The following ST3GAL5 variants were observed in gnomAD, a reference collection of about 807,000 sequenced individuals.
ST3GAL5 encodes ST3 beta-galactoside alpha-2,3-sialyltransferase 5.
ST3GAL5 carries 25 observed loss-of-function variants against 46.1 expected under a neutral mutation model. That is an observed-to-expected ratio of 0.54 (90% CI 0.40 to 0.76). ST3GAL5 has a LOEUF of 0.76. Among genes scored for constraint, ST3GAL5 ranks in the 30% least tolerant of loss-of-function variants. ST3GAL5 has a pLI of 0.00. For synonymous variants in ST3GAL5, 182 were observed against 192.7 expected, an observed-to-expected ratio of 0.94 and a Z score of 0.46; for missense variants, 431 against 521.2, an observed-to-expected ratio of 0.83 and a Z score of 1.69.
At chr2:85,866,531 G>A (rs187230936) in intron 1 of ST3GAL5, among the ~76,000 whole-genome samples, 166 of 152,374 alleles carry the variant, frequency 1.1e-3, no homozygotes, top group Non-Finnish European at 2.1e-3. Flanking sequence ...AAGAAGTACT[G>A]TTAGAAACCT....
At chr2:85,873,901 T>C (rs764363508) in intron 1 of ST3GAL5, among the ~76,000 whole-genome samples, 1 of 152,216 alleles carries the variant, frequency 6.6e-6, no homozygotes, top group Non-Finnish European at 1.5e-5. Context: ...TGACTGTGCA[T>C]GTTAACCAAG....
chr2:85,858,605 G>A (rs900834881), intron 3 of ST3GAL5, among the ~76,000 whole-genome samples: 2 of 152,066 alleles, frequency 1.3e-5, no homozygotes, highest in Non-Finnish European at 2.9e-5. Context: ...CATCACACCC[G>A]GTCAGACCCC....
At chr2:85,844,675 G>T in intron 5 of ST3GAL5, 121 bp from the exon 6 acceptor site, 1 of 1,338,668 alleles carries the variant, frequency 7.5e-7, no homozygotes, top group Non-Finnish European at 1.1e-6. Flanking sequence ...GCCTTCTGAA[G>T]CAATCTACTC....
Position 85,863,385 on chromosome 2 carries a change from G to A in ST3GAL5, c.183C>T (p.Ser61=), listed in dbSNP as rs2104079146. The change falls in exon 2 of 7, where the codon AGC becomes AGT. Residue 61 remains serine (S), a synonymous_variant. Transcript: ENST00000638572. ...ACTTGAGGATGTCTTTTAATAACAA[G>A]CTGGGCCTTCTCATCTTGCTTTGAG... is the stretch of plus-strand genomic sequence containing the variant. ...TRAQSKMRRP[S]LLLKDILKCT... 6 of 1,614,198 alleles carry A rather than the reference G, an allele frequency of 3.7e-6. No homozygotes were observed. Among genetic ancestry groups the A allele is most frequent in the Non-Finnish European group, 5.1e-6 (6 of 1,180,014 alleles).
intron 1 of ST3GAL5, 40 bp from the exon 2 acceptor site, chr2:85,863,525 GGA>G (rs1684952638): frequency 6.2e-7 from 1 of 1,610,398 alleles, no homozygotes. Context: ...GAAAAAGAGA[GGA>G]GAGAGTTAGG....
rs75218838 is a variant in ST3GAL5, at chr2:85,886,696, C to T, written c.82+2128G>A. Among the ~76,000 whole-genome samples the T allele has an allele frequency of 8.8e-3, 1,342 of 152,206 alleles. 14 individuals are homozygous for T. Among genetic ancestry groups the T allele is most frequent in the Non-Finnish European group, 0.012 (809 of 68,014 alleles). On this transcript the variant is annotated intron_variant, in intron 1 of 6. Coordinates refer to ENST00000638572, the MANE Select transcript of ST3GAL5 (RefSeq NM_003896.4). ...CACGTGTGCTTAAGCTGGCTGTCTCCCGGGCGAGCCTGCGTGTCACCGTCA... is the reference window on the plus strand; with the variant it reads ...CACGTGTGCTTAAGCTGGCTGTCTCTCGGGCGAGCCTGCGTGTCACCGTCA...
intron 1 of ST3GAL5, among the ~76,000 whole-genome samples, chr2:85,867,432 A>G (rs899629251): frequency 1.1e-4 from 17 of 151,694 alleles, no homozygotes; most frequent in Non-Finnish European, 1.5e-5. Context: ...AAATATAAGA[A>G]AAAGGCAGTT....
At chr2:85,867,935 G>C (rs1685460322) in intron 1 of ST3GAL5, 3 of 398,288 alleles carry the variant, frequency 7.5e-6, no homozygotes, top group Non-Finnish European at 1.4e-5. Context: ...CACAGTATAA[G>C]AGTTTGACTT....
intron 6 of ST3GAL5, among the ~76,000 whole-genome samples, chr2:85,843,842 G>A (rs1471246765): frequency 6.6e-6 from 1 of 152,092 alleles, no homozygotes; most frequent in African/African-American, 2.4e-5. Context: ...AATCGTCCAC[G>A]GAATTTAGAA....
Position 85,846,368 on chromosome 2 carries a change from A to G in ST3GAL5, c.849+9T>C. 1.2e-6 allele frequency: 2 copies of G among 1,612,928 alleles called. No individual in the cohort carries two copies. The highest frequency in any genetic ancestry group is 1.7e-6 in the Non-Finnish European group (2 of 1,179,202). On this transcript the variant is annotated intron_variant, in intron 5 of 6. Coordinates refer to ENST00000638572, the MANE Select transcript of ST3GAL5 (RefSeq NM_003896.4). ...CTAAGGCAGATTTAATAGAAGTATT[A>G]GTGCTTACCAGGGTTTCCTTTTTTA...
intron 1 of ST3GAL5, among the ~76,000 whole-genome samples, chr2:85,880,013 G>A (rs1019946526): frequency 6.6e-6 from 1 of 152,194 alleles, no homozygotes; most frequent in Non-Finnish European, 1.5e-5. Context: ...CCAGGTGGAT[G>A]GGAAGGGAAG....
intron 1 of ST3GAL5, among the ~76,000 whole-genome samples, chr2:85,880,272 G>A (rs1327772725): frequency 1.3e-5 from 2 of 152,144 alleles, no homozygotes; most frequent in African/African-American, 4.8e-5. Flanking sequence ...TGTTTGGGCT[G>A]CTTAAAACTC....
intron 1 of ST3GAL5, among the ~76,000 whole-genome samples, chr2:85,872,666 G>T (rs1453027523): frequency 6.6e-6 from 1 of 151,960 alleles, no homozygotes; most frequent in Non-Finnish European, 1.5e-5. Context: ...TCTGACTGAA[G>T]TAGGCCCCAA....
At chr2:85,888,637 G>T in intron 1 of ST3GAL5, 187 bp downstream of exon 1, 1 of 340,750 alleles carries the variant, frequency 2.9e-6, no homozygotes, top group Non-Finnish European at 4.9e-6. Flanking sequence ...CGGTCCACAC[G>T]GCCCGGGACC....
At chr2:85,884,777 G>A (rs1441105133) in intron 1 of ST3GAL5, among the ~76,000 whole-genome samples, 4 of 152,288 alleles carry the variant, frequency 2.6e-5, no homozygotes, top group Admixed American at 6.5e-5. Flanking sequence ...AGGAAGAAAC[G>A]ACACGTGTAA....
At chr2:85,856,721 C>T (rs1279681179) in intron 3 of ST3GAL5, among the ~76,000 whole-genome samples, 2 of 151,774 alleles carry the variant, frequency 1.3e-5, no homozygotes, top group Admixed American at 6.6e-5. Context: ...AGTTGTGAGA[C>T]ACCACACAAG....
intron 6 of ST3GAL5, among the ~76,000 whole-genome samples, chr2:85,843,990 A>G (rs1353658482): frequency 6.6e-6 from 1 of 152,216 alleles, no homozygotes; most frequent in Non-Finnish European, 1.5e-5. Flanking sequence ...TGAATGGCCC[A>G]CAGAGTGAAA....
intron 1 of ST3GAL5, among the ~76,000 whole-genome samples, chr2:85,865,598 C>T (rs1383294533): frequency 6.6e-6 from 1 of 152,222 alleles, no homozygotes; most frequent in Non-Finnish European, 1.5e-5. Context: ...CATGTACAGT[C>T]AGCCAAGTGG....
chr2:85,840,064 G>A lies in ST3GAL5; in HGVS notation c.*80C>T. ...TGAGCTGCACTTCAAAGTATCTGCA[G>A]GATGGAGAAATACATCAAGAAGGCT... On this transcript the variant is annotated 3_prime_UTR_variant, in exon 7 of 7. Coordinates refer to ENST00000638572, the MANE Select transcript of ST3GAL5 (RefSeq NM_003896.4). The A allele has an allele frequency of 6.2e-7, 1 of 1,604,130 alleles. No homozygotes were observed. The highest frequency in any genetic ancestry group is 8.5e-7 in the Non-Finnish European group (1 of 1,172,404).
Sources: gnomAD v4.1 joint callset for allele counts (sites outside exome capture counted in the v4.1 genomes callset) on GRCh38, gnomAD v4.1.1 for gene constraint, MANE v1.5 for transcripts, NCBI Gene and HGNC (gene_info 2026-07-23, HGNC 2026-07-21) for gene names.